CNTNAP4: variants seen among roughly 807,000 people sequenced by gnomAD.
CNTNAP4 encodes contactin associated protein family member 4, also known as contactin-associated protein-like 4.
In CNTNAP4, 98 loss-of-function variants were observed where a neutral mutation model predicts 148.4. The ratio of observed to expected loss-of-function variants is 0.66; its 90% CI spans 0.56 to 0.78. The LOEUF (loss-of-function observed/expected upper bound fraction) is 0.78. Among genes scored for constraint, CNTNAP4 ranks in the 30% least tolerant of loss-of-function variants. The pLI is 0.00. For missense variants in CNTNAP4, 1,935 were observed against 1,565.6 expected, an observed-to-expected ratio of 1.24 and a Z score of -3.98; for synonymous variants, 730 against 565.1, an observed-to-expected ratio of 1.29 and a Z score of -4.14.
chr16:76,451,687 T>C (rs1358220663), intron 7 of CNTNAP4, among the ~76,000 whole-genome samples: 1 of 150,396 alleles, frequency 6.6e-6, no homozygotes, highest in Non-Finnish European at 1.5e-5. Context: ...TCACTCTTCA[T>C]TGGCAAGAGG....
intron 2 of CNTNAP4, among the ~76,000 whole-genome samples, chr16:76,347,685 A>G (rs974397080): frequency 3.9e-5 from 6 of 152,202 alleles, no homozygotes; most frequent in African/African-American, 1.4e-4. Flanking sequence ...AGTATCTCAG[A>G]GAAGAGCATT....
chr16:76,430,800 G>A (rs1167300076), intron 4 of CNTNAP4, among the ~76,000 whole-genome samples: 1 of 152,146 alleles, frequency 6.6e-6, no homozygotes, highest in African/African-American at 2.4e-5. Context: ...GTGAACTTAA[G>A]AGAAATTGGT....
At chr16:76,471,724 G>A (rs1364759451) in intron 10 of CNTNAP4, among the ~76,000 whole-genome samples, 4 of 152,144 alleles carry the variant, frequency 2.6e-5, no homozygotes, top group Non-Finnish European at 4.4e-5. Context: ...CAGTTGATTT[G>A]AAGATCGTGG....
chr16:76,295,259 A>T (rs1000577675), intron 1 of CNTNAP4, among the ~76,000 whole-genome samples: 1 of 152,206 alleles, frequency 6.6e-6, no homozygotes, highest in Non-Finnish European at 1.5e-5. Flanking sequence ...CGAGGTCCAC[A>T]AAAGCATGGA....
intron 15 of CNTNAP4, among the ~76,000 whole-genome samples, chr16:76,508,998 G>A (rs1187167494): frequency 3.1e-5 from 3 of 96,050 alleles, no homozygotes; most frequent in Admixed American, 1.0e-4. Context: ...TGATCCACCC[G>A]CCTTGGCCTC....
intron 21 of CNTNAP4, among the ~76,000 whole-genome samples, chr16:76,549,073 G>T (rs2084856084): frequency 6.6e-6 from 1 of 152,150 alleles, no homozygotes; most frequent in Admixed American, 6.5e-5. Context: ...GACAGGCAGG[G>T]GGATCCTGGA....
chr16:76,497,705 A>T (rs996438747), intron 14 of CNTNAP4, among the ~76,000 whole-genome samples: 1 of 149,636 alleles, frequency 6.7e-6, no homozygotes, highest in African/African-American at 2.5e-5. Flanking sequence ...GAGTGGGGGG[A>T]TAGGGGAGGG....
At chr16:76,537,476 CAG>C (rs1166474192) in intron 18 of CNTNAP4, among the ~76,000 whole-genome samples, 1 of 151,866 alleles carries the variant, frequency 6.6e-6, no homozygotes, top group Non-Finnish European at 1.5e-5. Flanking sequence ...GAGAGGAAGA[CAG>C]AGAGAATTTG....
At chr16:76,369,043 T>C (rs1408797747) in intron 3 of CNTNAP4, among the ~76,000 whole-genome samples, 1 of 150,798 alleles carries the variant, frequency 6.6e-6, no homozygotes, top group East Asian at 1.9e-4. Context: ...TTTTTCGTTT[T>C]TTGGTTAAAA....
intron 3 of CNTNAP4, among the ~76,000 whole-genome samples, chr16:76,422,000 C>A (rs978236861): frequency 6.6e-6 from 1 of 152,126 alleles, no homozygotes; most frequent in African/African-American, 2.4e-5. Context: ...GGCTTTTATA[C>A]GTGAGTTGCT....
At chr16:76,492,298 A>G (rs1228581368) in intron 13 of CNTNAP4, among the ~76,000 whole-genome samples, 1 of 151,606 alleles carries the variant, frequency 6.6e-6, no homozygotes, top group Non-Finnish European at 1.5e-5. Context: ...AGTGGTGGGT[A>G]TGTTAATTAG....
At chr16:76,317,430 C>T (rs959259432) in intron 2 of CNTNAP4, among the ~76,000 whole-genome samples, 12 of 152,082 alleles carry the variant, frequency 7.9e-5, no homozygotes, top group South Asian at 4.1e-4. Context: ...ACACTGTGTA[C>T]TTAGAGACAG....
Position 76,506,424 on chromosome 16 carries a change from C to CT in CNTNAP4, c.2365+7731dup, listed in dbSNP as rs1597771993. Among the ~76,000 whole-genome samples the CT allele has an allele frequency of 3.0e-5, 2 of 66,248 alleles. 1 individual carries two copies. The highest frequency in any genetic ancestry group is 1.3e-3 in the East Asian group (2 of 1,484). The allele number at this position is 66,248 out of a possible 152,430, so 43.5% of individuals were successfully genotyped here. A position where few individuals can be genotyped will look rare whatever the true frequency, so the allele number is the denominator to read the frequency against. On this transcript the variant is annotated intron_variant, in intron 15 of 23. Coordinates refer to ENST00000611870, the MANE Select transcript of CNTNAP4 (RefSeq NM_033401.5). Reference sequence around the variant, plus strand: ...CTTTCCTCCCTTCCTCCCTTCCTTCCTCCCTTCCCTTCCCTTCCCTTCTTC... The same window carrying CT: ...CTTTCCTCCCTTCCTCCCTTCCTTCCTTCCCTTCCCTTCCCTTCCCTTCTTC...
intron 2 of CNTNAP4, among the ~76,000 whole-genome samples, chr16:76,352,565 A>G (rs1158224846): frequency 3.3e-5 from 5 of 152,156 alleles, no homozygotes; most frequent in Non-Finnish European, 7.3e-5. Context: ...AAAGTGTTCA[A>G]ACTCTTTGTA....
At chr16:76,332,149 G>A (rs975278901) in intron 2 of CNTNAP4, among the ~76,000 whole-genome samples, 4 of 152,086 alleles carry the variant, frequency 2.6e-5, no homozygotes, top group African/African-American at 7.2e-5. Flanking sequence ...GACTTACAAC[G>A]GTTTGATTGT....
intron 15 of CNTNAP4, among the ~76,000 whole-genome samples, chr16:76,512,563 A>T (rs985817454): frequency 6.6e-6 from 1 of 152,152 alleles, no homozygotes; most frequent in Non-Finnish European, 1.5e-5. Flanking sequence ...CTGGGGTCAG[A>T]GTTGTAGAGA....
At chr16:76,473,163 T>C (rs926728372) in intron 10 of CNTNAP4, among the ~76,000 whole-genome samples, 2 of 152,220 alleles carry the variant, frequency 1.3e-5, no homozygotes, top group African/African-American at 4.8e-5. Flanking sequence ...AATGAATTCC[T>C]GTGAATCTAT....
At chr16:76,427,623 A>G (rs2079457039) in intron 4 of CNTNAP4, 24 bp downstream of exon 4, 2 of 1,579,860 alleles carry the variant, frequency 1.3e-6, no homozygotes. Flanking sequence ...TATCCAATAC[A>G]CTGACATAGA....
chr16:76,314,290 C>T (rs1163828608), intron 1 of CNTNAP4, among the ~76,000 whole-genome samples: 2 of 152,060 alleles, frequency 1.3e-5, no homozygotes, highest in East Asian at 1.9e-4. Flanking sequence ...TTGAATCTTG[C>T]GAAAGAAAGC....
Sources: gnomAD v4.1 joint callset for allele counts (sites outside exome capture counted in the v4.1 genomes callset) on GRCh38, gnomAD v4.1.1 for gene constraint, MANE v1.5 for transcripts, NCBI Gene and HGNC (gene_info 2026-07-23, HGNC 2026-07-21) for gene names.